The following COX7B2 variants were observed in gnomAD, a reference collection of about 807,000 sequenced individuals.
The protein encoded by COX7B2 is cytochrome c oxidase subunit 7B2.
For missense variants in COX7B2, 109 were observed against 95.9 expected, an observed-to-expected ratio of 1.14 and a Z score of -0.57; for synonymous variants, 37 against 32.1, an observed-to-expected ratio of 1.15 and a Z score of -0.51.
intron 1 of COX7B2, among the ~76,000 whole-genome samples, chr4:46,905,996 A>C (rs1281875249): frequency 6.7e-6 from 1 of 148,760 alleles, no homozygotes; most frequent in Non-Finnish European, 1.5e-5. Flanking sequence ...CGCCCGGCTA[A>C]TTTTTTGTAT....
chr4:46,754,750 G>GTATATATATATAT (rs1715672137), intron 2 of COX7B2, among the ~76,000 whole-genome samples: 1 of 28,486 alleles, frequency 3.5e-5, no homozygotes, highest in Non-Finnish European at 7.2e-5. Context: ...ATATATATAT[G>GTATATATATATAT]AAAGAAATCC....
At chr4:46,907,402 G>A (rs766593982) in intron 1 of COX7B2, among the ~76,000 whole-genome samples, 40 of 151,898 alleles carry the variant, frequency 2.6e-4, no homozygotes, top group Admixed American at 3.3e-4. Context: ...TTTAAACTAC[G>A]CTAGCACCTA....
At chr4:46,782,793 G>A (rs1351083806) in intron 2 of COX7B2, among the ~76,000 whole-genome samples, 2 of 152,082 alleles carry the variant, frequency 1.3e-5, no homozygotes, top group Non-Finnish European at 2.9e-5. Context: ...TCACCGCGAA[G>A]GTCTGCAGCT....
chr4:46,892,309 A>C (rs1719474013), intron 1 of COX7B2, among the ~76,000 whole-genome samples: 1 of 152,228 alleles, frequency 6.6e-6, no homozygotes. Flanking sequence ...TAAGTACATC[A>C]GACATGTCAC....
At chr4:46,834,868 T>C (rs1715401392) in intron 2 of COX7B2, among the ~76,000 whole-genome samples, 1 of 151,490 alleles carries the variant, frequency 6.6e-6, no homozygotes, top group Non-Finnish European at 1.5e-5. Context: ...AGGAAAAATA[T>C]CAAAACACAA....
chr4:46,764,894 G>GA (rs1311503357), intron 2 of COX7B2, among the ~76,000 whole-genome samples: 1 of 148,568 alleles, frequency 6.7e-6, no homozygotes, highest in Non-Finnish European at 1.5e-5. Flanking sequence ...AGCAAGAGAG[G>GA]AAAAAAAACA....
chr4:46,835,402 C>T (rs1715445694), intron 2 of COX7B2, among the ~76,000 whole-genome samples: 1 of 151,598 alleles, frequency 6.6e-6, no homozygotes, highest in African/African-American at 2.4e-5. Context: ...AAAAAAAATG[C>T]AGTAACTGTT....
At chr4:46,794,287 C>G (rs207464666) in intron 2 of COX7B2, among the ~76,000 whole-genome samples, 37 of 152,264 alleles carry the variant, frequency 2.4e-4, no homozygotes, top group Middle Eastern at 3.4e-3. Context: ...AACAGAGATT[C>G]TGCATTTAAT....
At chr4:46,756,995 T>C (rs1715841837) in intron 2 of COX7B2, among the ~76,000 whole-genome samples, 1 of 152,100 alleles carries the variant, frequency 6.6e-6, no homozygotes, top group Non-Finnish European at 1.5e-5. Flanking sequence ...TGTACATTTA[T>C]CACAGCATTA....
chr4:46,876,983 A>G (rs1206320855), intron 1 of COX7B2, among the ~76,000 whole-genome samples: 3 of 152,168 alleles, frequency 2.0e-5, no homozygotes, highest in Non-Finnish European at 2.9e-5. Context: ...AAGAAATCAT[A>G]TTATCACTTT....
intron 2 of COX7B2, among the ~76,000 whole-genome samples, chr4:46,820,834 A>ATAT (rs1553889360): frequency 5.7e-4 from 74 of 129,204 alleles, no homozygotes; most frequent in African/African-American, 1.4e-3. Context: ...AAAAAAAAAA[A>ATAT]ATATATATAT....
At chr4:46,886,875 A>G (rs1719113540) in intron 1 of COX7B2, among the ~76,000 whole-genome samples, 1 of 152,208 alleles carries the variant, frequency 6.6e-6, no homozygotes, top group African/African-American at 2.4e-5. Flanking sequence ...AACACTTGAT[A>G]AAGGAAAGAG....
intron 2 of COX7B2, among the ~76,000 whole-genome samples, chr4:46,750,245 T>C (rs866789165): frequency 1.4e-3 from 63 of 43,532 alleles, no homozygotes; most frequent in Non-Finnish European, 2.1e-3. Context: ...CACACACACA[T>C]TATCCAGGTG....
chr4:46,803,240 G>A (rs1180678831), intron 2 of COX7B2, among the ~76,000 whole-genome samples: 1 of 152,072 alleles, frequency 6.6e-6, no homozygotes, highest in African/African-American at 2.4e-5. Context: ...AGTAGTTTGA[G>A]GCTTTGCGCG....
intron 2 of COX7B2, among the ~76,000 whole-genome samples, chr4:46,839,500 A>C (rs1715780164): frequency 6.6e-6 from 1 of 151,974 alleles, no homozygotes; most frequent in Non-Finnish European, 1.5e-5. Context: ...AGAGGCAGTA[A>C]GGCCGACACA....
In COX7B2 at chr4:46,808,854, TTCAACCAGCCTTGCATGCCAGGGATAAA is replaced by T. The variant is rs1719143482; in HGVS notation, c.-50+36078_-50+36105del. Among the ~76,000 whole-genome samples the T allele has an allele frequency of 2.0e-5, 3 of 152,076 alleles. No homozygotes were observed. The South Asian group carries it at 6.2e-4, about 31-fold the overall frequency. ...TATCACATTGATTGATTTGCATATG[TTCAACCAGCCTTGCATGCCAGGGATAAA>T]TCTCATTCTGTCACGATCTTTTTGA... On this transcript the variant is annotated intron_variant, in intron 2 of 2. Coordinates refer to ENST00000355591, the MANE Select transcript of COX7B2 (RefSeq NM_130902.3).
At chr4:46,738,339 A>G (rs994068856) in intron 2 of COX7B2, among the ~76,000 whole-genome samples, 1 of 152,104 alleles carries the variant, frequency 6.6e-6, no homozygotes, top group African/African-American at 2.4e-5. Flanking sequence ...TCCCATATCT[A>G]TAAAGCTTTT....
chr4:46,743,324 A>T (rs751289743), intron 2 of COX7B2, among the ~76,000 whole-genome samples: 1 of 152,196 alleles, frequency 6.6e-6, no homozygotes, highest in Non-Finnish European at 1.5e-5. Flanking sequence ...GCAGGGCAAG[A>T]TCACAATTAC....
intron 1 of COX7B2, among the ~76,000 whole-genome samples, chr4:46,884,050 T>C (rs1213263727): frequency 6.6e-6 from 1 of 152,144 alleles, no homozygotes; most frequent in African/African-American, 2.4e-5. Flanking sequence ...TAATATCCTG[T>C]CTTCAATTAT....
Sources: gnomAD v4.1 joint callset for allele counts (sites outside exome capture counted in the v4.1 genomes callset) on GRCh38, gnomAD v4.1.1 for gene constraint, MANE v1.5 for transcripts, NCBI Gene and HGNC (gene_info 2026-07-23, HGNC 2026-07-21) for gene names.